The following FBP2 variants were observed in gnomAD, a reference collection of about 807,000 sequenced individuals.
FBP2 encodes the protein fructose-1,6-bisphosphatase isozyme 2.
A neutral mutation model predicts 31.6 loss-of-function variants in FBP2; 27 were observed. The observed-to-expected ratio is 0.85, with a 90% confidence interval of 0.63 to 1.18. FBP2 has a LOEUF of 1.18. Among genes scored for constraint, FBP2 ranks in the 50% most tolerant of loss-of-function variants. FBP2 has a pLI of 0.00. For synonymous variants in FBP2, 168 were observed against 179.8 expected, an observed-to-expected ratio of 0.93 and a Z score of 0.53; for missense variants, 421 against 436.1, an observed-to-expected ratio of 0.97 and a Z score of 0.31.
intron 5 of FBP2, among the ~76,000 whole-genome samples, chr9:94,565,131 T>G (rs1453238634): frequency 1.3e-5 from 2 of 152,152 alleles, no homozygotes; most frequent in Non-Finnish European, 2.9e-5. Context: ...CCCAGCATTT[T>G]GGGAGGCCAA....
intron 3 of FBP2, chr9:94,577,666 A>G (rs1827329735): frequency 6.6e-6 from 1 of 152,252 alleles, no homozygotes; most frequent in Non-Finnish European, 1.5e-5. Flanking sequence ...CCAAACTGCC[A>G]TAGAGACTGC....
intron 1 of FBP2, among the ~76,000 whole-genome samples, chr9:94,593,257 A>G (rs1827520998): frequency 6.6e-6 from 1 of 152,258 alleles, no homozygotes; most frequent in African/African-American, 2.4e-5. Context: ...CTGTGCAAGT[A>G]CAAGTCATGA....
At chr9:94,567,132 A>T in intron 5 of FBP2, 138 bp downstream of exon 5, 1 of 676,056 alleles carries the variant, frequency 1.5e-6, no homozygotes, top group East Asian at 2.7e-5. Flanking sequence ...AGAAAGGCAG[A>T]GTCCATCATC....
At chr9:94,587,145 G>A (rs1208663376) in intron 2 of FBP2, among the ~76,000 whole-genome samples, 162 bp downstream of exon 2, 1 of 152,214 alleles carries the variant, frequency 6.6e-6, no homozygotes, top group Admixed American at 6.5e-5. Context: ...TCTCTAGACA[G>A]CACAAGATTT....
Position 94,593,700 on chromosome 9 carries a change from G to C in FBP2, c.27C>G (p.Thr9=), listed in dbSNP as rs761779339. The C allele has an allele frequency of 6.2e-7, 1 of 1,614,034 alleles. No individual in the cohort carries two copies. Among genetic ancestry groups the C allele is most frequent in the African/African-American group, 1.3e-5 (1 of 74,926 alleles). ...CGTAGCGGGTCAGGGTGAGCATGTC[G>C]GTTTCGAAGGGGCTTCTGTCCGTCA... MTDRSPFE[T]DMLTLTRYVM... is the part of the protein sequence containing the mutation. The change falls in exon 1 of 7, where the codon ACC becomes ACG. Residue 9 remains threonine (T), a synonymous_variant. Coordinates refer to ENST00000375337, the MANE Select transcript of FBP2 (RefSeq NM_003837.4).
intron 2 of FBP2, 28 bp downstream of exon 2, chr9:94,587,279 G>C (rs755416758): frequency 6.3e-7 from 1 of 1,581,004 alleles, no homozygotes; most frequent in Admixed American, 1.9e-5. Flanking sequence ...ATCTACTGGC[G>C]AGCGGGCACC....
chr9:94,586,633 A>G (rs541892582), intron 2 of FBP2: 1 of 152,352 alleles, frequency 6.6e-6, no homozygotes, highest in East Asian at 1.9e-4. Context: ...GCTTTACTTT[A>G]AATTCTTTTC....
At chr9:94,571,114 C>T (rs554164586) in intron 4 of FBP2, among the ~76,000 whole-genome samples, 3 of 152,300 alleles carry the variant, frequency 2.0e-5, no homozygotes, top group African/African-American at 7.2e-5. Context: ...GCTGCTCTAA[C>T]GAACCCATGC....
At chr9:94,591,418 GGGCT>G (rs917243652) in intron 1 of FBP2, among the ~76,000 whole-genome samples, 1 of 152,228 alleles carries the variant, frequency 6.6e-6, no homozygotes, top group African/African-American at 2.4e-5. Context: ...GGGGCCAGCA[GGGCT>G]GGCTGGCTGC....
chr9:94,584,440 T>C, intron 3 of FBP2, 137 bp downstream of exon 3: 1 of 631,214 alleles, frequency 1.6e-6, no homozygotes, highest in Non-Finnish European at 2.9e-6. Context: ...CAGAGAAAAG[T>C]TGGTGGTTTG....
chr9:94,568,824 G>T (rs910194310), intron 4 of FBP2: 3 of 151,890 alleles, frequency 2.0e-5, no homozygotes, highest in Admixed American at 1.3e-4. Context: ...AATGATTAAG[G>T]TAACTAGTCA....
chr9:94,564,955 A>G (rs907385903), intron 5 of FBP2, among the ~76,000 whole-genome samples: 1 of 152,224 alleles, frequency 6.6e-6, no homozygotes, highest in African/African-American at 2.4e-5. Flanking sequence ...TCCCAACACA[A>G]AGAAATAATA....
chr9:94,561,655 G>A (rs1387577768), intron 6 of FBP2, among the ~76,000 whole-genome samples: 2 of 152,058 alleles, frequency 1.3e-5, no homozygotes, highest in Non-Finnish European at 2.9e-5. Flanking sequence ...GTGAGCCACC[G>A]CAGCCAGCCA....
rs776970893 is a variant in FBP2, at chr9:94,558,985, C to T, written c.973G>A (p.Val325Met). 2.8e-5 allele frequency: 45 copies of T among 1,614,132 alleles called. No homozygotes were observed. The highest frequency in any genetic ancestry group is 3.6e-5 in the Non-Finnish European group (43 of 1,180,026). The change falls in exon 7 of 7, where the codon GTG becomes ATG. Residue 325 changes from valine (V) to methionine (M), a missense_variant. Coordinates refer to ENST00000375337, the MANE Select transcript of FBP2 (RefSeq NM_003837.4). ...TGCACACAGGTGAGATATTCCTGCACATCCTCTGGTGACCCCAGAATGAGG... is the reference window on the plus strand; with the variant it reads ...TGCACACAGGTGAGATATTCCTGCATATCCTCTGGTGACCCCAGAATGAGG... Reference protein sequence around the residue: ...VPLILGSPEDVQEYLTCVQKN... With the variant: ...VPLILGSPEDMQEYLTCVQKN...
intron 6 of FBP2, 45 bp downstream of exon 6, chr9:94,563,297 C>A (rs762626020): frequency 1.0e-5 from 16 of 1,597,850 alleles, no homozygotes; most frequent in African/African-American, 5.4e-5. Context: ...GGAGCTCCCC[C>A]ACCTCCCTGA....
chr9:94,563,290 G>C, intron 6 of FBP2, 52 bp downstream of exon 6: 2 of 1,592,846 alleles, frequency 1.3e-6, no homozygotes, highest in Non-Finnish European at 1.7e-6. Flanking sequence ...ACGGGAGGGA[G>C]CTCCCCCACC....
At chr9:94,582,633 T>C (rs1156474588) in intron 3 of FBP2, among the ~76,000 whole-genome samples, 1 of 150,954 alleles carries the variant, frequency 6.6e-6, no homozygotes, top group Non-Finnish European at 1.5e-5. Context: ...CTACAAGCTC[T>C]GCCTCCTGGG....
intron 3 of FBP2, among the ~76,000 whole-genome samples, chr9:94,575,347 A>T (rs1471072651): frequency 6.6e-6 from 1 of 152,158 alleles, no homozygotes; most frequent in African/African-American, 2.4e-5. Context: ...ATCTAACTTT[A>T]TCTGGTTTGG....
At chr9:94,585,536 GA>G (rs1827417338) in intron 2 of FBP2, among the ~76,000 whole-genome samples, 1 of 151,526 alleles carries the variant, frequency 6.6e-6, no homozygotes, top group African/African-American at 2.4e-5. Flanking sequence ...GGAGAGCCAT[GA>G]GGGGGGGTCA....
Sources: allele counts gnomAD v4.1 joint callset (sites outside exome capture counted in the v4.1 genomes callset), GRCh38; gene constraint gnomAD v4.1.1; transcripts MANE v1.5; gene names NCBI Gene and HGNC (gene_info 2026-07-23, HGNC 2026-07-21).